The following DGKZ variants were observed in gnomAD, a reference collection of about 807,000 sequenced individuals.
The protein encoded by DGKZ is diacylglycerol kinase zeta, also known as DAG kinase zeta.
DGKZ carries 45 observed loss-of-function variants against 142.5 expected under a neutral mutation model. The observed-to-expected ratio is 0.32, with a 90% confidence interval of 0.25 to 0.40. The LOEUF (loss-of-function observed/expected upper bound fraction) is 0.40, where lower values mean the gene tolerates loss of function less well. Ranked by LOEUF, DGKZ falls within the 10% of genes least tolerant of loss-of-function variation. The pLI is 1.00. For synonymous variants in DGKZ, 442 were observed against 527.0 expected, an observed-to-expected ratio of 0.84 and a Z score of 2.21; for missense variants, 755 against 1,306.5, an observed-to-expected ratio of 0.58 and a Z score of 6.51.
At chr11:46,371,989 A>C in intron 9 of DGKZ, 86 bp from the exon 10 acceptor site, 2 of 1,381,278 alleles carry the variant, frequency 1.4e-6, no homozygotes, top group Non-Finnish European at 2.0e-6. Context: ...CAAAGAGGGA[A>C]CAAAGTCACC....
At chr11:46,347,302 C>A, upstream of DGKZ, 1 of 984,994 alleles carries the variant, frequency 1.0e-6, no homozygotes, top group Non-Finnish European at 1.2e-6. This position sits in a 1 kb window ranked among gnomAD's most constrained non-coding sequence, Gnocchi z 6.4. Context: ...CCCGCCCATT[C>A]GTCGCCCCGC....
At chr11:46,361,165 T>G (rs1328281256) in intron 1 of DGKZ, among the ~76,000 whole-genome samples, 1 of 152,258 alleles carries the variant, frequency 6.6e-6, no homozygotes, top group Non-Finnish European at 1.5e-5. Context: ...GTGATTGTTT[T>G]GTCTGGAGCC....
At chr11:46,371,588 C>A in exon 8 of DGKZ, 2 of 1,610,266 alleles carry the variant, frequency 1.2e-6, no homozygotes, top group Non-Finnish European at 1.7e-6. Context: ...GGATCCTCCG[C>A]GCCCGGAGGC....
chr11:46,378,610 A>G (rs1209075221), intron 27 of DGKZ, 110 bp downstream of exon 27: 3 of 1,422,948 alleles, frequency 2.1e-6, no homozygotes, highest in South Asian at 1.2e-5. Flanking sequence ...GTCATCTGTC[A>G]TCGTCTGGCC....
chr11:46,344,053 G>A (rs1460432300), upstream of DGKZ, among the ~76,000 whole-genome samples: 4 of 151,662 alleles, frequency 2.6e-5, no homozygotes, highest in South Asian at 4.2e-4. Context: ...GAATTCAAAC[G>A]ATTCTCCTGC....
At chr11:46,337,917 G>A (rs553635191) in intron 1 of DGKZ, among the ~76,000 whole-genome samples, 1 of 152,260 alleles carries the variant, frequency 6.6e-6, no homozygotes, top group South Asian at 2.1e-4. Context: ...GCCTGTACCT[G>A]GTGTCCTGGG....
chr11:46,337,886 G>A (rs1940090021), intron 1 of DGKZ, among the ~76,000 whole-genome samples: 1 of 152,192 alleles, frequency 6.6e-6, no homozygotes, highest in Non-Finnish European at 1.5e-5. Flanking sequence ...GGCCCCAGAA[G>A]GGCCTCTAGG....
At chr11:46,365,139 G>A in intron 1 of DGKZ, 2 of 985,416 alleles carry the variant, frequency 2.0e-6, no homozygotes, top group Non-Finnish European at 2.4e-6. Context: ...GTTCAGGATG[G>A]GTCCATGGAG....
chr11:46,367,225 A>C lies in DGKZ; in HGVS notation c.162-66A>C. On this transcript the variant is annotated intron_variant, in intron 1 of 30. Transcript: ENST00000527911. The surrounding 1 kb of genome is among the most constrained non-coding windows in gnomAD (Gnocchi z 4.1). ...AGGTCACGGAAAGGGCAGAGGCCCCAGGAGGTGGGAGGAAGTAGGGTCAGC... is the reference window on the plus strand; with the variant it reads ...AGGTCACGGAAAGGGCAGAGGCCCCCGGAGGTGGGAGGAAGTAGGGTCAGC... 1 of 1,435,444 alleles carries C rather than the reference A, an allele frequency of 7.0e-7. No individual in the cohort carries two copies. Among genetic ancestry groups the C allele is most frequent in the South Asian group, 1.2e-5 (1 of 82,202 alleles). The allele number at this position is 1,435,444 out of a possible 1,614,324, so 88.9% of individuals were successfully genotyped here.
At chr11:46,364,353 G>A in intron 1 of DGKZ, 1 of 1,287,728 alleles carries the variant, frequency 7.8e-7, no homozygotes, top group Non-Finnish European at 1.0e-6. Context: ...TTAGCACAGT[G>A]CCTGACACAT....
chr11:46,374,463 G>A lies in DGKZ; in HGVS notation c.1461+9G>A, dbSNP rs1308546176. On this transcript the variant is annotated intron_variant, in intron 16 of 30. Transcript: ENST00000527911. ...AGATGTTCTACGCCGGGGTGAGTGG[G>A]GTCTGCACCCCCGCCTGTGCCCACC... The A allele has an allele frequency of 1.2e-6, 2 of 1,613,934 alleles. No individual in the cohort carries two copies. Among genetic ancestry groups the A allele is most frequent in the Non-Finnish European group, 1.7e-6 (2 of 1,180,028 alleles).
At chr11:46,377,445 C>G (rs1009501911) in intron 25 of DGKZ, 59 of 730,944 alleles carry the variant, frequency 8.1e-5, no homozygotes, top group Non-Finnish European at 1.2e-4. Context: ...ATCCTTCAGC[C>G]AGTCCTGGCA....
rs935056235 is a variant in DGKZ at position 46,372,671 on chromosome 11, C to T, written c.1065C>T (p.Asp355=). The T allele has an allele frequency of 5.0e-6, 8 of 1,613,382 alleles. No individual in the cohort carries two copies. Among genetic ancestry groups the T allele is most frequent in the South Asian group, 2.2e-5 (2 of 91,082 alleles). ...TGCGGATCCTGGCGTGCGGGGGCGACGGCACGGTGAGCTCCCCGCATGGGC... is the reference window on the plus strand; with the variant it reads ...TGCGGATCCTGGCGTGCGGGGGCGATGGCACGGTGAGCTCCCCGCATGGGC... Residue 355 remains aspartate, a synonymous_variant, in exon 12 of 31, where the codon GAC becomes GAT. Coordinates refer to ENST00000527911, the Ensembl canonical transcript of DGKZ. The surrounding 1 kb of genome is among the most constrained non-coding windows in gnomAD (Gnocchi z 5.9).
At chr11:46,379,538 C>T (rs746198693) in exon 30 of DGKZ, 21 of 1,610,964 alleles carry the variant, frequency 1.3e-5, no homozygotes, top group African/African-American at 6.7e-5. Context: ...TCGTGGAGGC[C>T]GGGGCCTCGC....
chr11:46,333,151 G>A, exon 1 of DGKZ: 1 of 826,990 alleles, frequency 1.2e-6, no homozygotes, highest in Non-Finnish European at 1.6e-6. Context: ...CGTCGCTAGG[G>A]ACCTGCGGAA....
At position 46,375,949 on chromosome 11, in the gene DGKZ, C is replaced by CGGTGGGG. The variant is rs781680252; in HGVS notation, c.2009_2010insGGTGGGG (p.Ser671ValfsTer16). On this transcript the variant is annotated frameshift_variant and splice_region_variant, in exon 21 of 31. Transcript: ENST00000527911. LOFTEE classifies it high-confidence loss of function. Reference sequence around the variant, plus strand: ...TACGACAAGGAGCAGCTCAAGGAGGCCTGTGAGTGCGGTGGGGCGGCCTGG... The same window carrying CGGTGGGG: ...TACGACAAGGAGCAGCTCAAGGAGGCGGTGGGGCTGTGAGTGCGGTGGGGCGGCCTGG... 6.2e-7 allele frequency: 1 copy of CGGTGGGG among 1,609,858 alleles called. No homozygotes were observed. Among genetic ancestry groups the CGGTGGGG allele is most frequent in the African/African-American group, 1.3e-5 (1 of 74,860 alleles).
At chr11:46,376,632 CCTTCCCTGTTAG>C (rs1944577137) in intron 24 of DGKZ, 68 bp downstream of exon 24, 20 of 1,597,508 alleles carry the variant, frequency 1.3e-5, no homozygotes, top group Non-Finnish European at 1.7e-5. Context: ...TCCTGGGACG[CCTTCCCTGTTAG>C]CTCCCCCGAT....
chr11:46,361,012 C>CG (rs921456040), intron 1 of DGKZ, among the ~76,000 whole-genome samples: 45 of 152,206 alleles, frequency 3.0e-4, no homozygotes, highest in African/African-American at 1.1e-3. Flanking sequence ...TGGGCAGTCA[C>CG]GGGCTTCCAC....
chr11:46,379,496 G>A (rs1026882293), exon 30 of DGKZ: 10 of 1,611,182 alleles, frequency 6.2e-6, no homozygotes, highest in South Asian at 1.1e-5. Flanking sequence ...ACCAAGCAGC[G>A]GCCCTGGGCC....
Sources: allele counts gnomAD v4.1 joint callset (sites outside exome capture counted in the v4.1 genomes callset), GRCh38; gene constraint gnomAD v4.1.1; non-coding constraint Gnocchi (gnomAD v3.1); transcripts MANE v1.5; gene names NCBI Gene and HGNC (gene_info 2026-07-23, HGNC 2026-07-21).